CCL3: variants seen among roughly 807,000 people sequenced by gnomAD.
The protein encoded by CCL3 is C-C motif chemokine ligand 3.
CCL3 carries 6 observed loss-of-function variants against 8.1 expected under a neutral mutation model. The observed-to-expected ratio is 0.74, with a 90% CI of 0.41 to 1.46. CCL3 has a LOEUF of 1.46. Among genes scored for constraint, CCL3 ranks in the 40% most tolerant of loss-of-function variants. The pLI is 0.02. For synonymous variants in CCL3, 45 were observed against 45.1 expected, an observed-to-expected ratio of 1.00 and a Z score of 0.01; for missense variants, 109 against 117.7, an observed-to-expected ratio of 0.93 and a Z score of 0.34.
At chr17:36,089,643 G>T in intron 1 of CCL3, 1 of 644,924 alleles carries the variant, frequency 1.6e-6, no homozygotes. Context: ...CAGAGCTCCT[G>T]GGAGACCTAG....
chr17:36,088,454 A>G lies in CCL3; in HGVS notation c.*218T>C. 5.1e-6 allele frequency: 3 copies of G among 583,586 alleles called. No homozygotes were observed. The South Asian group carries it at 6.8e-5, about 13-fold the overall frequency. The allele number at this position is 583,586 out of a possible 1,614,324, so 36.2% of individuals were successfully genotyped here. On this transcript the variant is annotated 3_prime_UTR_variant, in exon 3 of 3. Transcript: ENST00000613922. ...AGGGGAACTCTCAGAGCAAACAATC[A>G]CAAACACACTGTGAAATCGAAAATA... is the stretch of plus-strand genomic sequence containing the variant.
chr17:36,090,092 T>G lies in CCL3; in HGVS notation c.-34A>C. On this transcript the variant is annotated 5_prime_UTR_variant, in exon 1 of 3. Coordinates refer to ENST00000613922, the MANE Select transcript of CCL3 (RefSeq NM_002983.3). The stretch of plus-strand genomic sequence containing the variant: ...GCAGGTGACGGAATGTGGGCTCGAG[T>G]GTCAGCAGAGCCAAGAAAGGACTGA... 1 of 1,599,592 alleles carries G rather than the reference T, an allele frequency of 6.3e-7. No individual in the cohort carries two copies. Among genetic ancestry groups the G allele is most frequent in the Non-Finnish European group, 8.6e-7 (1 of 1,169,322 alleles).
Position 36,090,001 on chromosome 17 carries a change from G to T in CCL3, c.58C>A (p.Gln20Lys), listed in dbSNP as rs1210713555. 1 of 1,613,916 alleles carries T rather than the reference G, an allele frequency of 6.2e-7. No homozygotes were observed. The highest frequency in any genetic ancestry group is 1.3e-5 in the African/African-American group (1 of 75,030). The change falls in exon 1 of 3, where the codon CAG (glutamine) becomes AAG (lysine). Residue 20 changes from glutamine to lysine, a missense_variant. By Grantham distance (53) the Gln-to-Lys change is moderately conservative. Coordinates refer to ENST00000613922, the MANE Select transcript of CCL3 (RefSeq NM_002983.3). ...VLLCTMALCN[Q>K]FSASLAADTP... is the part of the protein sequence containing the mutation. ...TCAGACTCACGTGATGCAGAGAACTGGTTGCAGAGAGCCATGGTGCAGAGG... is the reference window on the plus strand; with the variant it reads ...TCAGACTCACGTGATGCAGAGAACTTGTTGCAGAGAGCCATGGTGCAGAGG...
At chr17:36,089,004 ACT>A (rs2067015290) in intron 2 of CCL3, among the ~76,000 whole-genome samples, 177 bp downstream of exon 2, 1 of 151,456 alleles carries the variant, frequency 6.6e-6, no homozygotes, top group Non-Finnish European at 1.5e-5. Context: ...GCCCTTCCTG[ACT>A]CTGTAACACA....
chr17:36,089,183 A>T lies in CCL3; in HGVS notation c.188T>A (p.Ile63Asn), dbSNP rs778171143. The T allele has an allele frequency of 6.2e-7, 1 of 1,613,952 alleles. No homozygotes were observed. Among genetic ancestry groups the T allele is most frequent in the South Asian group, 1.1e-5 (1 of 91,068 alleles). The change falls in exon 2 of 3, where the codon ATC becomes AAC. Residue 63 changes from isoleucine (I) to asparagine (N), a missense_variant and splice_region_variant. Coordinates refer to ENST00000613922, the MANE Select transcript of CCL3 (RefSeq NM_002983.3). The part of the protein sequence containing the change: ...TSSQCSKPGV[I>N]FLTKRSRQVC... ...GGTGAGCAGGAAGACTGGCACTTAC[A>T]TGACACCGGGCTTGGAGCACTGGCT...
Position 36,088,532 on chromosome 17 carries a change from C to T in CCL3, c.*140G>A. On this transcript the variant is annotated 3_prime_UTR_variant, in exon 3 of 3. Transcript: ENST00000613922. Reference sequence around the variant, plus strand: ...AATTAAAATTTAAGTTAAGAAGAGTCCCACAGTGTGGCTGTTTGGCAACAA... The same window carrying T: ...AATTAAAATTTAAGTTAAGAAGAGTTCCACAGTGTGGCTGTTTGGCAACAA... 1 of 825,708 alleles carries T rather than the reference C, an allele frequency of 1.2e-6. No individual in the cohort carries two copies. Among genetic ancestry groups the T allele is most frequent in the Non-Finnish European group, 2.1e-6 (1 of 483,598 alleles). 51.1% of individuals were successfully genotyped at this position (825,708 alleles called of 1,614,324 possible). A position where few individuals can be genotyped will look rare whatever the true frequency, so the allele number is the denominator to read the frequency against.
Position 36,090,119 on chromosome 17 carries a change from C to T in CCL3, c.-61G>A. The T allele has an allele frequency of 6.8e-7, 1 of 1,478,946 alleles. No individual in the cohort carries two copies. Among genetic ancestry groups the T allele is most frequent in the Middle Eastern group, 2.3e-4 (1 of 4,432 alleles). 91.6% of individuals were successfully genotyped at this position (1,478,946 alleles called of 1,614,324 possible). A position where few individuals can be genotyped will look rare whatever the true frequency, so the allele number is the denominator to read the frequency against. ...TCAGCAGAGCCAAGAAAGGACTGACCACTGTCTGCTGCCCGTGTCCTTCTG... is the reference window on the plus strand; with the variant it reads ...TCAGCAGAGCCAAGAAAGGACTGACTACTGTCTGCTGCCCGTGTCCTTCTG... On this transcript the variant is annotated 5_prime_UTR_variant, in exon 1 of 3. Transcript: ENST00000613922.
chr17:36,090,096 A>G lies in CCL3; in HGVS notation c.-38T>C. ...GTGACGGAATGTGGGCTCGAGTGTC[A>G]GCAGAGCCAAGAAAGGACTGACCAC... On this transcript the variant is annotated 5_prime_UTR_variant, in exon 1 of 3. Coordinates refer to ENST00000613922, the MANE Select transcript of CCL3 (RefSeq NM_002983.3). 6.3e-7 allele frequency: 1 copy of G among 1,588,534 alleles called. No homozygotes were observed. The highest frequency in any genetic ancestry group is 1.3e-5 in the African/African-American group (1 of 74,482).
chr17:36,089,680 C>A, intron 1 of CCL3: 1 of 665,704 alleles, frequency 1.5e-6, no homozygotes, highest in Non-Finnish European at 2.8e-6. Context: ...AACAACATAC[C>A]CCACTGGGAA....
rs760749398 is a variant in CCL3, at chr17:36,088,674, A to G, written c.277T>C (p.Ter93ArgextTer52). The part of the protein sequence containing the change: ...KYVSDLELSA[*>R] ...GGGCCTCGAAGCTTCTGGACCCCTC[A>G]GGCACTCAGCTCCAGGTCGCTGACA... The change falls in exon 3 of 3, where the codon TGA becomes CGA. Residue 93 changes from the stop codon to arginine, a stop_lost. Coordinates refer to ENST00000613922, the MANE Select transcript of CCL3 (RefSeq NM_002983.3). 1.2e-6 allele frequency: 2 copies of G among 1,613,258 alleles called. No homozygotes were observed. Among genetic ancestry groups the G allele is most frequent in the Non-Finnish European group, 1.7e-6 (2 of 1,179,820 alleles).
rs374335429 is a variant in CCL3 at position 36,090,034 on chromosome 17, C to G, written c.25G>C (p.Ala9Pro). 6.2e-7 allele frequency: 1 copy of G among 1,613,544 alleles called. No homozygotes were observed. Among genetic ancestry groups the G allele is most frequent in the African/African-American group, 1.3e-5 (1 of 74,888 alleles). The change falls in exon 1 of 3, where the codon GCT becomes CCT. Residue 9 changes from alanine to proline, a missense_variant. By Grantham distance (27) the Ala-to-Pro change is conservative (BLOSUM62 -1). Transcript: ENST00000613922. MQVSTAAL[A>P]VLLCTMALCN... The stretch of plus-strand genomic sequence containing the variant: ...AGAGCCATGGTGCAGAGGAGGACAG[C>G]AAGGGCAGCAGTGGAGACCTGCATG...
intron 1 of CCL3, chr17:36,089,585 C>T (rs951735918): frequency 1.5e-5 from 9 of 607,252 alleles, no homozygotes; most frequent in South Asian, 1.2e-4. Flanking sequence ...GAAGTCATAC[C>T]CCAACCCAAG....
intron 2 of CCL3, 49 bp downstream of exon 2, chr17:36,089,134 C>A: frequency 6.2e-7 from 1 of 1,611,812 alleles, no homozygotes; most frequent in Non-Finnish European, 8.5e-7. Context: ...CTGCCCCAAC[C>A]CTGACCCTCC....
chr17:36,088,633 G>A lies in CCL3; in HGVS notation c.*39C>T. 1.2e-6 allele frequency: 2 copies of A among 1,610,118 alleles called. No homozygotes were observed. The highest frequency in any genetic ancestry group is 8.5e-7 in the Non-Finnish European group (1 of 1,177,798). ...TCAGGCTCCTGCTCCTCCCCACTGG[G>A]CCCACCGAGGTCGCTGGGCCTCGAA... On this transcript the variant is annotated 3_prime_UTR_variant, in exon 3 of 3. Coordinates refer to ENST00000613922, the MANE Select transcript of CCL3 (RefSeq NM_002983.3).
chr17:36,088,353 G>A lies in CCL3; in HGVS notation c.*319C>T, dbSNP rs2067004327. Reference sequence around the variant, plus strand: ...CATTTGTCAGTCTGGTGGCTTTGGTGCCATGACTGCCTACACAGGCTGATG... The same window carrying A: ...CATTTGTCAGTCTGGTGGCTTTGGTACCATGACTGCCTACACAGGCTGATG... On this transcript the variant is annotated 3_prime_UTR_variant, in exon 3 of 3. Coordinates refer to ENST00000613922, the MANE Select transcript of CCL3 (RefSeq NM_002983.3). The A allele has an allele frequency of 1.3e-5, 5 of 385,706 alleles. No homozygotes were observed. In the Admixed American group the frequency reaches 1.7e-4, roughly 13 times the overall value. The allele number at this position is 385,706 out of a possible 1,614,324, so 23.9% of individuals were successfully genotyped here. A position where few individuals can be genotyped will look rare whatever the true frequency, so the allele number is the denominator to read the frequency against.
Position 36,089,060 on chromosome 17 carries a change from C to A in CCL3, c.188+123G>T, listed in dbSNP as rs1169166317. 3 of 1,293,322 alleles carry A rather than the reference C, an allele frequency of 2.3e-6. No homozygotes were observed. In the East Asian group the frequency reaches 7.0e-5, roughly 30 times the overall value. 80.1% of individuals were successfully genotyped at this position (1,293,322 alleles called of 1,614,324 possible). ...AGTCAGGTCACACCTCGGAGCCCTG[C>A]GTCCTGTATCCCCGATAGGCTCCTG... On this transcript the variant is annotated intron_variant, in intron 2 of 2. Coordinates refer to ENST00000613922, the MANE Select transcript of CCL3 (RefSeq NM_002983.3).
chr17:36,089,677 T>G (rs760676245), intron 1 of CCL3: 126 of 661,630 alleles, frequency 1.9e-4, no homozygotes, highest in South Asian at 2.7e-4. Flanking sequence ...GTGAACAACA[T>G]ACCCCACTGG....
chr17:36,088,859 C>T, intron 2 of CCL3, 97 bp from the exon 3 acceptor site: 1 of 1,522,282 alleles, frequency 6.6e-7, no homozygotes, highest in East Asian at 2.3e-5. Flanking sequence ...TCCTGGGCAG[C>T]TCAGGGCTTG....
At chr17:36,089,809 G>GA (rs1478570505) in intron 1 of CCL3, 177 bp downstream of exon 1, 3 of 738,028 alleles carry the variant, frequency 4.1e-6, no homozygotes, top group African/African-American at 1.7e-5. Flanking sequence ...TGGAGACTAG[G>GA]GGGCTAAGAC....
Sources: allele counts gnomAD v4.1 joint callset (sites outside exome capture counted in the v4.1 genomes callset), GRCh38; gene constraint gnomAD v4.1.1; transcripts MANE v1.5; gene names NCBI Gene and HGNC (gene_info 2026-07-23, HGNC 2026-07-21).